Variants in TYW1 observed in about 807,000 individuals in gnomAD.
The protein encoded by TYW1 is tRNA-yW synthesizing protein 1 homolog, also known as S-adenosyl-L-methionine-dependent tRNA 4-demethylwyosine synthase TYW1.
In TYW1, 46 loss-of-function variants were observed where a neutral mutation model predicts 96.2. That is an observed-to-expected ratio of 0.48 (90% CI 0.38 to 0.61). TYW1 has a LOEUF of 0.61. Among genes scored for constraint, TYW1 ranks in the 20% least tolerant of loss-of-function variants. TYW1 has a pLI of 0.00. For synonymous variants in TYW1, 274 were observed against 323.0 expected, an observed-to-expected ratio of 0.85 and a Z score of 1.63; for missense variants, 684 against 909.6, an observed-to-expected ratio of 0.75 and a Z score of 3.19.
At chr7:67,098,210 G>C (rs972241972) in intron 11 of TYW1, among the ~76,000 whole-genome samples, 2 of 152,190 alleles carry the variant, frequency 1.3e-5, no homozygotes, top group Non-Finnish European at 2.9e-5. Flanking sequence ...GATATACTGA[G>C]TTCATTTTCT....
intron 13 of TYW1, among the ~76,000 whole-genome samples, chr7:67,142,799 C>T (rs1798490098): frequency 6.6e-6 from 1 of 151,940 alleles, no homozygotes; most frequent in Non-Finnish European, 1.5e-5. Flanking sequence ...GCCTGTAATC[C>T]CAACATTTTT....
intron 13 of TYW1, among the ~76,000 whole-genome samples, chr7:67,180,752 C>T (rs1254992256): frequency 6.6e-6 from 1 of 152,056 alleles, no homozygotes; most frequent in Non-Finnish European, 1.5e-5. Flanking sequence ...AAGCAATTCT[C>T]TTGCCTCAGC....
intron 7 of TYW1, among the ~76,000 whole-genome samples, chr7:67,033,053 C>T (rs1302034158): frequency 2.0e-5 from 3 of 151,544 alleles, no homozygotes; most frequent in Non-Finnish European, 2.9e-5. Context: ...CGTACCACCA[C>T]GCCCGGCTAA....
At chr7:67,090,782 T>TC (rs1796691390) in intron 11 of TYW1, among the ~76,000 whole-genome samples, 1 of 152,130 alleles carries the variant, frequency 6.6e-6, no homozygotes, top group South Asian at 2.1e-4. Flanking sequence ...TCATGTGGAC[T>TC]CTTTCTTTCT....
At chr7:67,046,167 G>A (rs1448415061) in intron 7 of TYW1, among the ~76,000 whole-genome samples, 2 of 152,146 alleles carry the variant, frequency 1.3e-5, no homozygotes, top group Non-Finnish European at 2.9e-5. Context: ...TTTGATTGGA[G>A]CATGCCGTGA....
chr7:67,205,759 C>A (rs898362112), intron 15 of TYW1, among the ~76,000 whole-genome samples: 18 of 151,786 alleles, frequency 1.2e-4, no homozygotes, highest in Admixed American at 9.2e-4. Context: ...CTGCCCTGTT[C>A]CTGCTGTCCT....
At chr7:67,094,000 T>A (rs1796805887) in intron 11 of TYW1, among the ~76,000 whole-genome samples, 1 of 152,198 alleles carries the variant, frequency 6.6e-6, no homozygotes, top group Non-Finnish European at 1.5e-5. Flanking sequence ...TCTCACCCCG[T>A]CCCATCCTCT....
chr7:67,224,418 T>C (rs1224941570), intron 15 of TYW1, among the ~76,000 whole-genome samples: 1 of 152,194 alleles, frequency 6.6e-6, no homozygotes, highest in Non-Finnish European at 1.5e-5. Flanking sequence ...TGAGCCACCA[T>C]GCCCGGCCAA....
intron 14 of TYW1, among the ~76,000 whole-genome samples, chr7:67,188,944 T>C (rs1584673936): frequency 6.6e-6 from 1 of 152,254 alleles, no homozygotes; most frequent in Admixed American, 6.5e-5. Context: ...CACACATGTA[T>C]GTGTATGTGT....
chr7:67,006,271 T>C (rs1793583627), intron 3 of TYW1, among the ~76,000 whole-genome samples: 1 of 152,244 alleles, frequency 6.6e-6, no homozygotes, highest in Non-Finnish European at 1.5e-5. Flanking sequence ...CTCTTGTTCC[T>C]GCCATGTCAT....
chr7:67,146,311 C>G (rs553757365), intron 13 of TYW1, among the ~76,000 whole-genome samples: 1 of 152,110 alleles, frequency 6.6e-6, no homozygotes, highest in South Asian at 2.1e-4. Context: ...ATTTAATATA[C>G]TAGACCATAA....
chr7:67,156,747 G>C (rs554745159), intron 13 of TYW1, among the ~76,000 whole-genome samples: 2 of 152,068 alleles, frequency 1.3e-5, no homozygotes, highest in Admixed American at 1.3e-4. Flanking sequence ...GATGCAGTCT[G>C]GTGGGGGTTG....
rs556108889 is a variant in TYW1, at chr7:67,093,628, G to A, written c.1385-4913G>A. The stretch of plus-strand genomic sequence containing the variant: ...CTTGGCAACGTAGAATGAGCTTAAG[G>A]ATCAAATTTTATTTGAAAACCTTGT... On this transcript the variant is annotated intron_variant, in intron 11 of 15. Coordinates refer to ENST00000359626, the MANE Select transcript of TYW1 (RefSeq NM_018264.4). Among the ~76,000 whole-genome samples the A allele has an allele frequency of 6.6e-5, 10 of 152,234 alleles. No homozygotes were observed. The South Asian group carries it at 2.1e-3, about 32-fold the overall frequency.
chr7:67,212,680 TG>T (rs201679640), intron 15 of TYW1, among the ~76,000 whole-genome samples: 8 of 147,362 alleles, frequency 5.4e-5, no homozygotes, highest in Non-Finnish European at 1.2e-4. Flanking sequence ...TGTTTTTTTT[TG>T]TTTTTTTTGA....
intron 13 of TYW1, among the ~76,000 whole-genome samples, chr7:67,172,887 A>G (rs74609740): frequency 0.039 from 5,875 of 151,920 alleles, 311 homozygotes; most frequent in East Asian, 0.16. Context: ...TGGGAGTTCA[A>G]GGTAGGAGGA....
intron 15 of TYW1, among the ~76,000 whole-genome samples, chr7:67,213,373 TG>T (rs1261160652): frequency 2.0e-5 from 3 of 152,228 alleles, no homozygotes; most frequent in East Asian, 3.8e-4. Context: ...TTGCCTAGGC[TG>T]GTAGTTGGTT....
intron 5 of TYW1, among the ~76,000 whole-genome samples, chr7:67,016,980 A>ATTTT (rs35358824): frequency 6.6e-5 from 8 of 121,762 alleles, no homozygotes; most frequent in Non-Finnish European, 1.0e-4. Flanking sequence ...AGATATGTAA[A>ATTTT]TTTTTTTTTT....
At chr7:67,153,198 G>A (rs1798857251) in intron 13 of TYW1, among the ~76,000 whole-genome samples, 1 of 152,162 alleles carries the variant, frequency 6.6e-6, no homozygotes, top group Non-Finnish European at 1.5e-5. Flanking sequence ...GCTCATGCCT[G>A]TAATCCCGGC....
At chr7:67,020,304 G>A (rs1196084488) in intron 6 of TYW1, among the ~76,000 whole-genome samples, 1 of 152,242 alleles carries the variant, frequency 6.6e-6, no homozygotes, top group African/African-American at 2.4e-5. Context: ...GATCACTTGA[G>A]CTCAGGAGTT....
Sources: allele counts gnomAD v4.1 joint callset (sites outside exome capture counted in the v4.1 genomes callset), GRCh38; gene constraint gnomAD v4.1.1; transcripts MANE v1.5; gene names NCBI Gene and HGNC (gene_info 2026-07-23, HGNC 2026-07-21).